ABTB1: variants seen among roughly 807,000 people sequenced by gnomAD.
ABTB1 encodes the protein ankyrin repeat and BTB/POZ domain-containing protein 1.
ABTB1 carries 45 observed loss-of-function variants against 57.1 expected under a neutral mutation model. The ratio of observed to expected loss-of-function variants is 0.79; its 90% CI spans 0.62 to 1.01. ABTB1 has a LOEUF of 1.01. ABTB1 is among the 50% of genes least tolerant of loss of function. ABTB1 has a pLI of 0.00. For synonymous variants in ABTB1, 302 were observed against 275.4 expected (o/e 1.10, Z -0.95); for missense variants, 630 against 666.3 (o/e 0.95, Z 0.60).
Position 127,676,725 on chromosome 3 carries a change from G to A in ABTB1, c.526+144G>A. 3 of 1,111,050 alleles carry A rather than the reference G, an allele frequency of 2.7e-6. No individual in the cohort carries two copies. The highest frequency in any genetic ancestry group is 3.9e-6 in the Non-Finnish European group (3 of 770,250). The allele number at this position is 1,111,050 out of a possible 1,614,324, so 68.8% of individuals were successfully genotyped here. ...TGGTTCCAGCTGCCTCTCGGGTTGG[G>A]TTGCAAGAGAGAGGACTAGTGTGCC... On this transcript the variant is annotated intron_variant, in intron 6 of 11. Coordinates refer to ENST00000232744, the MANE Select transcript of ABTB1 (RefSeq NM_172027.3). This position sits in a 1 kb window ranked among gnomAD's most constrained non-coding sequence, Gnocchi z 5.4.
Position 127,680,403 on chromosome 3 carries a change from C to T in ABTB1, c.1365C>T (p.Ser455=), listed in dbSNP as rs372495700. 436 of 1,607,586 alleles carry T rather than the reference C, an allele frequency of 2.7e-4. 1 individual carries two copies. The highest frequency in any genetic ancestry group is 3.4e-4 in the Non-Finnish European group (406 of 1,177,564). The change falls in exon 12 of 12, where the codon AGC becomes AGT. Residue 455 remains serine, a synonymous_variant. Coordinates refer to ENST00000232744, the MANE Select transcript of ABTB1 (RefSeq NM_172027.3). The stretch of plus-strand genomic sequence containing the variant: ...TGGCCAGCACGGTGCAGACCTACAG[C>T]GCCATAGAGGAGGCGCAGCAGCGTC... ...FHVASTVQTY[S]AIEEAQQRLR... is the part of the protein sequence containing the mutation.
Position 127,680,714 on chromosome 3 carries a change from C to A in ABTB1, c.*239C>A. 1.5e-6 allele frequency: 1 copy of A among 688,340 alleles called. No individual in the cohort carries two copies. The highest frequency in any genetic ancestry group is 1.6e-5 in the South Asian group (1 of 60,846). The allele number at this position is 688,340 out of a possible 1,614,324, so 42.6% of individuals were successfully genotyped here. A position where few individuals can be genotyped will look rare whatever the true frequency, so the allele number is the denominator to read the frequency against. On this transcript the variant is annotated 3_prime_UTR_variant, in exon 12 of 12. Coordinates refer to ENST00000232744, the MANE Select transcript of ABTB1 (RefSeq NM_172027.3). ...CCCCCAAGACCCTGGGGGTGGACAC[C>A]ACTCAGGGAAACCTGGGGTGGGGGT... is the stretch of plus-strand genomic sequence containing the variant.
Position 127,674,585 on chromosome 3 carries a change from T to C in ABTB1, c.160T>C (p.Tyr54His), listed in dbSNP as rs2074933255. 6.2e-7 allele frequency: 1 copy of C among 1,614,058 alleles called. No homozygotes were observed. Among genetic ancestry groups the C allele is most frequent in the African/African-American group, 1.3e-5 (1 of 74,934 alleles). The change falls in exon 3 of 12, where the codon TAC (tyrosine) becomes CAC (histidine). Residue 54 changes from tyrosine (Y) to histidine (H), a missense_variant. Physicochemically the swap from Tyr to His is moderately conservative, Grantham distance 83. This residue lies in a region of ABTB1 where 579 missense variants were observed against 585.9 expected (regional missense o/e 0.99). Coordinates refer to ENST00000232744, the MANE Select transcript of ABTB1 (RefSeq NM_172027.3). ...CLCGHEELVL[Y>H]LLANGARCEA... ...GTGTGGGCACGAGGAGCTGGTACTC[T>C]ACCTTCTGGCCAATGGTGAGAGCAG...
At position 127,676,692 on chromosome 3, in the gene ABTB1, C is replaced by T; in HGVS notation, c.526+111C>T. The T allele has an allele frequency of 4.9e-6, 7 of 1,421,564 alleles. No individual in the cohort carries two copies. In the South Asian group the frequency reaches 7.2e-5, roughly 15 times the overall value. The allele number at this position is 1,421,564 out of a possible 1,614,324, so 88.1% of individuals were successfully genotyped here. ...TTCACCTCTAGACACTTCATGGTCC[C>T]CCCGGGGTGGTTCCAGCTGCCTCTC... On this transcript the variant is annotated intron_variant, in intron 6 of 11. Transcript: ENST00000232744. This position sits in a 1 kb window ranked among gnomAD's most constrained non-coding sequence, Gnocchi z 5.4.
Position 127,676,080 on chromosome 3 carries a change from A to G in ABTB1, c.286A>G (p.Arg96Gly), listed in dbSNP as rs1342501769. Residue 96 changes from arginine (R) to glycine (G), a missense_variant, in exon 4 of 12, where the codon AGG becomes GGG. Arg to Gly is a moderately radical substitution (Grantham distance 125). Transcript: ENST00000232744. The surrounding 1 kb of genome is among the most constrained non-coding windows in gnomAD (Gnocchi z 5.4). ...RDYKQVTASC[R>G]RRDYYDDFLQ... ...TTACAAGCAGGTCACGGCTTCCTGC[A>G]GGAGGCGGGATTACTATGACGACTT... The G allele has an allele frequency of 6.2e-7, 1 of 1,613,198 alleles. No individual in the cohort carries two copies. The highest frequency in any genetic ancestry group is 8.5e-7 in the Non-Finnish European group (1 of 1,180,000).
rs144158593 is a variant in ABTB1, at chr3:127,675,501, A to G, written c.176-469A>G. ...ACTATGTTGCCCAGGTTGGTCTCAA[A>G]CTCCTGAGCCCAAGTGATCCACCTA... On this transcript the variant is annotated intron_variant, in intron 3 of 11. Transcript: ENST00000232744. The G allele has an allele frequency of 1.6e-4, 26 of 166,430 alleles. No individual in the cohort carries two copies. The East Asian group carries it at 4.1e-3, about 26-fold the overall frequency. The allele number at this position is 166,430 out of a possible 1,614,324, so 10.3% of individuals were successfully genotyped here.
chr3:127,680,272 G>C lies in ABTB1; in HGVS notation c.1234G>C (p.Val412Leu). The C allele has an allele frequency of 6.2e-7, 1 of 1,613,544 alleles. No homozygotes were observed. Among genetic ancestry groups the C allele is most frequent in the East Asian group, 2.2e-5 (1 of 44,882 alleles). Reference protein sequence around the residue: ...EYMAKVIEKLVEREDFVEAVK... With the variant: ...EYMAKVIEKLLEREDFVEAVK... Reference sequence around the variant, plus strand: ...AGCTGGCCCTTCCCGCTCATAGCTGGTGGAGCGGGAGGACTTCGTGGAGGC... The same window carrying C: ...AGCTGGCCCTTCCCGCTCATAGCTGCTGGAGCGGGAGGACTTCGTGGAGGC... Residue 412 changes from valine to leucine, a missense_variant, in exon 12 of 12, where the codon GTG becomes CTG. Coordinates refer to ENST00000232744, the MANE Select transcript of ABTB1 (RefSeq NM_172027.3).
At chr3:127,673,219 G>A in intron 1 of ABTB1, 138 bp downstream of exon 1, 2 of 924,120 alleles carry the variant, frequency 2.2e-6, no homozygotes, top group Non-Finnish European at 1.4e-6. Context: ...GCCCCCGCGG[G>A]GCAGACCACC....
In ABTB1 at chr3:127,676,695, C is replaced by T. The variant is rs371559753; in HGVS notation, c.526+114C>T. ...ACCTCTAGACACTTCATGGTCCCCC[C>T]GGGGTGGTTCCAGCTGCCTCTCGGG... On this transcript the variant is annotated intron_variant, in intron 6 of 11. Coordinates refer to ENST00000232744, the MANE Select transcript of ABTB1 (RefSeq NM_172027.3). The surrounding 1 kb of genome is among the most constrained non-coding windows in gnomAD (Gnocchi z 5.4). 2.2e-4 allele frequency: 310 copies of T among 1,397,742 alleles called. 1 individual carries two copies. The African/African-American group carries it at 3.1e-3, about 14-fold the overall frequency. 86.6% of individuals were successfully genotyped at this position (1,397,742 alleles called of 1,614,324 possible).
In ABTB1 at chr3:127,676,185, A is replaced by C; in HGVS notation, c.320+71A>C. On this transcript the variant is annotated intron_variant, in intron 4 of 11. Coordinates refer to ENST00000232744, the MANE Select transcript of ABTB1 (RefSeq NM_172027.3). The surrounding 1 kb of genome is among the most constrained non-coding windows in gnomAD (Gnocchi z 5.4). ...TGGTGGGTGTGGCGAGTCTGCTCTG[A>C]CTGTGGCCTGCACTGGGTTCTGAGT... 2 of 1,606,444 alleles carry C rather than the reference A, an allele frequency of 1.2e-6. No individual in the cohort carries two copies. Among genetic ancestry groups the C allele is most frequent in the Non-Finnish European group, 1.7e-6 (2 of 1,174,772 alleles).
chr3:127,678,293 TGAGA>T lies in ABTB1; in HGVS notation c.1029+462_1029+465del, dbSNP rs112507204. The T allele has an allele frequency of 3.4e-3, 628 of 183,952 alleles. 5 individuals carry two copies. The highest frequency in any genetic ancestry group is 0.013 in the South Asian group (129 of 9,944). The allele number at this position is 183,952 out of a possible 1,614,324, so 11.4% of individuals were successfully genotyped here. ...TGAAGGTTTGCTCTGCCAGGGTGTG[TGAGA>T]GAGAGAGAGAGTGTGTGTGTGCGTG... On this transcript the variant is annotated intron_variant, in intron 10 of 11. Coordinates refer to ENST00000232744, the MANE Select transcript of ABTB1 (RefSeq NM_172027.3).
chr3:127,675,814 G>A, intron 3 of ABTB1, 156 bp from the exon 4 acceptor site: 2 of 959,778 alleles, frequency 2.1e-6, no homozygotes, highest in South Asian at 1.6e-5. Context: ...CCCTTGACTG[G>A]GAGGGTGTTG....
rs991268064 is a variant in ABTB1 at position 127,679,121 on chromosome 3, A to C, written c.1030-864A>C. 5 of 166,592 alleles carry C rather than the reference A, an allele frequency of 3.0e-5. No homozygotes were observed. The East Asian group carries it at 9.3e-4, about 31-fold the overall frequency. The allele number at this position is 166,592 out of a possible 1,614,324, so 10.3% of individuals were successfully genotyped here. A position where few individuals can be genotyped will look rare whatever the true frequency, so the allele number is the denominator to read the frequency against. ...CCTCTTCAAGGAGCCTCGCCACCCA[A>C]AGGGCACCTTGTCTCAGAGTGTGGC... On this transcript the variant is annotated intron_variant, in intron 10 of 11. Transcript: ENST00000232744.
Position 127,680,187 on chromosome 3 carries a change from T to C in ABTB1, c.1230+2T>C. Reference sequence around the variant, plus strand: ...TACATGGCCAAGGTCATTGAGAAGGTGGGCCAGTGGTCTGCAGTGGGTGGG... The same window carrying C: ...TACATGGCCAAGGTCATTGAGAAGGCGGGCCAGTGGTCTGCAGTGGGTGGG... On this transcript the variant is annotated splice_donor_variant, in intron 11 of 11. Coordinates refer to ENST00000232744, the MANE Select transcript of ABTB1 (RefSeq NM_172027.3). LOFTEE classifies it high-confidence loss of function. 1 of 1,613,684 alleles carries C rather than the reference T, an allele frequency of 6.2e-7. No individual in the cohort carries two copies. The highest frequency in any genetic ancestry group is 8.5e-7 in the Non-Finnish European group (1 of 1,179,916).
rs756737977 is a variant in ABTB1, at chr3:127,676,514, CTTTCTGGT to C, written c.481-15_481-8del. ...TGCTGGGTGGCTGCCTCTGACATTA[CTTTCTGGT>C]TTTCTGCCCACAGATCAACCCCGTG... On this transcript the variant is annotated splice_polypyrimidine_tract_variant and intron_variant, in intron 5 of 11. Coordinates refer to ENST00000232744, the MANE Select transcript of ABTB1 (RefSeq NM_172027.3). This position sits in a 1 kb window ranked among gnomAD's most constrained non-coding sequence, Gnocchi z 5.4. 224 of 1,614,052 alleles carry C rather than the reference CTTTCTGGT, an allele frequency of 1.4e-4. No homozygotes were observed. The highest frequency in any genetic ancestry group is 1.9e-5 in the Non-Finnish European group (23 of 1,180,014).
intron 10 of ABTB1, chr3:127,679,758 A>G: frequency 1.7e-6 from 1 of 588,388 alleles, no homozygotes; most frequent in Non-Finnish European, 3.1e-6. Context: ...TGCTCAGGGC[A>G]TGGGAGAACC....
chr3:127,673,445 C>T (rs1371634923), intron 1 of ABTB1: 5 of 175,392 alleles, frequency 2.9e-5, no homozygotes, highest in African/African-American at 9.5e-5. Context: ...GGACTCCAGA[C>T]GTGGCCCCTT....
At chr3:127,677,913 G>A (rs1189602725) in intron 10 of ABTB1, 70 bp downstream of exon 10, 2 of 1,549,170 alleles carry the variant, frequency 1.3e-6, no homozygotes, top group Non-Finnish European at 1.7e-6. Flanking sequence ...GAGCGCCAGG[G>A]CCCTGGGGGT....
Position 127,677,035 on chromosome 3 carries a change from G to GA in ABTB1, c.596dup (p.Asp199GlufsTer15). The GA allele has an allele frequency of 6.2e-7, 1 of 1,614,136 alleles. No homozygotes were observed. Among genetic ancestry groups the GA allele is most frequent in the Non-Finnish European group, 8.5e-7 (1 of 1,180,006 alleles). ...CCTGGCCAAGCAATGCCAGCTGTGG[G>GA]ACCTGCTCAGCGACCTGGAGGCCAA... On this transcript the variant is annotated frameshift_variant, in exon 7 of 12. Coordinates refer to ENST00000232744, the MANE Select transcript of ABTB1 (RefSeq NM_172027.3). LOFTEE classifies it high-confidence loss of function.
Sources: allele counts gnomAD v4.1 joint callset, GRCh38; gene constraint gnomAD v4.1.1; regional missense constraint gnomAD v4.1.1; non-coding constraint Gnocchi (gnomAD v3.1); transcripts MANE v1.5; gene names NCBI Gene and HGNC (gene_info 2026-07-23, HGNC 2026-07-21).